The following KCNIP4 variants were observed in gnomAD, a reference collection of about 807,000 sequenced individuals.
KCNIP4 encodes the protein potassium voltage-gated channel interacting protein 4.
KCNIP4 carries 12 observed loss-of-function variants against 34.0 expected under a neutral mutation model. The ratio of observed to expected loss-of-function variants is 0.35; its 90% CI spans 0.23 to 0.57. The LOEUF (loss-of-function observed/expected upper bound fraction) is 0.57. KCNIP4 is among the 20% of genes least tolerant of loss of function. KCNIP4 has a pLI of 0.83. For synonymous variants in KCNIP4, 124 were observed against 102.2 expected (o/e 1.21, Z -1.29); for missense variants, 238 against 311.7 (o/e 0.76, Z 1.78).
At chr4:21,820,491 G>C (rs1468973917) in intron 1 of KCNIP4, among the ~76,000 whole-genome samples, 4 of 151,728 alleles carry the variant, frequency 2.6e-5, no homozygotes, top group African/African-American at 9.7e-5. Context: ...CTTAAGCTAT[G>C]CAAAACCACA....
intron 1 of KCNIP4, among the ~76,000 whole-genome samples, chr4:21,669,495 G>A (rs1030944177): frequency 2.6e-5 from 4 of 152,118 alleles, no homozygotes; most frequent in Non-Finnish European, 4.4e-5. Flanking sequence ...TTAATCAACT[G>A]AATATATTAT....
Position 21,742,309 on chromosome 4 carries a change from T to C in KCNIP4, c.61+206262A>G, listed in dbSNP as rs191405693. On this transcript the variant is annotated intron_variant, in intron 1 of 8. Coordinates refer to ENST00000382152, the MANE Select transcript of KCNIP4 (RefSeq NM_025221.6). ...CTCCTTTGCAGATGGATGTGTTAAATAGTCTGGGCTTATTGTCCCTAAGTA... is the reference window on the plus strand; with the variant it reads ...CTCCTTTGCAGATGGATGTGTTAAACAGTCTGGGCTTATTGTCCCTAAGTA... 8.7e-3 allele frequency among the ~76,000 whole-genome samples: 1,329 copies of C among 152,304 alleles called. 19 individuals carry two copies. The highest frequency in any genetic ancestry group is 0.039 in the South Asian group (188 of 4,830).
At chr4:21,017,266 G>T (rs2149741804) in intron 1 of KCNIP4, among the ~76,000 whole-genome samples, 1 of 152,292 alleles carries the variant, frequency 6.6e-6, no homozygotes, top group Non-Finnish European at 1.5e-5. Flanking sequence ...TGCCTTAGTG[G>T]CTTGCTGCAC....
At chr4:21,311,836 A>G (rs1713220958) in intron 1 of KCNIP4, among the ~76,000 whole-genome samples, 1 of 152,146 alleles carries the variant, frequency 6.6e-6, no homozygotes, top group Admixed American at 6.5e-5. Flanking sequence ...TACAGATTCT[A>G]CTCAAATTCA....
chr4:21,772,716 TTTACA>T (rs1718883881), intron 1 of KCNIP4, among the ~76,000 whole-genome samples: 2 of 152,166 alleles, frequency 1.3e-5, no homozygotes, highest in Non-Finnish European at 2.9e-5. Flanking sequence ...TGTAGAGGTG[TTTACA>T]TTATTCTCTG....
intron 1 of KCNIP4, among the ~76,000 whole-genome samples, chr4:21,128,471 G>C (rs1750796280): frequency 1.3e-5 from 2 of 152,128 alleles, no homozygotes; most frequent in Non-Finnish European, 2.9e-5. Flanking sequence ...GCCAATATAG[G>C]AGACTATAAG....
intron 1 of KCNIP4, among the ~76,000 whole-genome samples, chr4:21,068,096 T>C (rs1305571750): frequency 6.6e-6 from 1 of 152,208 alleles, no homozygotes; most frequent in Non-Finnish European, 1.5e-5. Context: ...ATTCTTCCAG[T>C]GACTCATGCC....
chr4:20,931,295 AAAT>A (rs1330063085), intron 1 of KCNIP4, among the ~76,000 whole-genome samples: 8 of 152,226 alleles, frequency 5.3e-5, no homozygotes, highest in African/African-American at 1.7e-4. Context: ...TATACCTGAA[AAAT>A]ATTATGCTAA....
chr4:21,778,868 A>C (rs1478261206), intron 1 of KCNIP4, among the ~76,000 whole-genome samples: 4 of 152,106 alleles, frequency 2.6e-5, no homozygotes, highest in African/African-American at 9.7e-5. Context: ...TCAGTCACTT[A>C]TTAACTGTGT....
intron 1 of KCNIP4, among the ~76,000 whole-genome samples, chr4:20,969,890 A>T (rs1734752743): frequency 6.6e-6 from 1 of 151,960 alleles, no homozygotes; most frequent in Non-Finnish European, 1.5e-5. Context: ...AGTTTAAGGG[A>T]TCAGATATAC....
intron 1 of KCNIP4, among the ~76,000 whole-genome samples, chr4:21,108,191 A>G (rs28830542): frequency 0.28 from 41,455 of 149,618 alleles, 6,495 homozygotes; most frequent in African/African-American, 0.4. Context: ...TATCCTGCAG[A>G]GTGTTTTCCA....
chr4:21,906,115 G>A (rs1289898972), intron 1 of KCNIP4, among the ~76,000 whole-genome samples: 1 of 152,166 alleles, frequency 6.6e-6, no homozygotes. Flanking sequence ...GCAATGTTAA[G>A]TGGCAGAAAC....
chr4:21,590,392 T>C (rs1186977974), intron 1 of KCNIP4, among the ~76,000 whole-genome samples: 1 of 151,874 alleles, frequency 6.6e-6, no homozygotes, highest in Non-Finnish European at 1.5e-5. Flanking sequence ...GGGCCCCTTG[T>C]TTAAAGAGTA....
intron 1 of KCNIP4, among the ~76,000 whole-genome samples, chr4:21,250,887 A>T (rs1760650424): frequency 6.7e-6 from 1 of 150,344 alleles, no homozygotes. Flanking sequence ...ATATAAATAT[A>T]TATTATACTC....
At chr4:21,056,214 C>T (rs1048667363) in intron 1 of KCNIP4, among the ~76,000 whole-genome samples, 1 of 152,170 alleles carries the variant, frequency 6.6e-6, no homozygotes, top group Admixed American at 6.6e-5. Context: ...AGCTTAATCT[C>T]CCCACCTATT....
At chr4:21,430,758 G>C (rs1276597047) in intron 1 of KCNIP4, among the ~76,000 whole-genome samples, 2 of 139,296 alleles carry the variant, frequency 1.4e-5, no homozygotes, top group Non-Finnish European at 3.0e-5. Flanking sequence ...ACTTACCCAA[G>C]GTCATTGAGG....
chr4:21,115,337 A>G (rs7694857), intron 1 of KCNIP4, among the ~76,000 whole-genome samples: 44,827 of 152,042 alleles, frequency 0.29, 7,360 homozygotes, highest in African/African-American at 0.45. Flanking sequence ...ATTATCTATT[A>G]AGGTCAGGGA....
chr4:20,979,188 C>T (rs894577140), intron 1 of KCNIP4, among the ~76,000 whole-genome samples: 1 of 151,954 alleles, frequency 6.6e-6, no homozygotes, highest in African/African-American at 2.4e-5. Flanking sequence ...TAAAGCCAAA[C>T]AAAGTTGCTC....
intron 1 of KCNIP4, among the ~76,000 whole-genome samples, chr4:21,250,030 T>A (rs954239190): frequency 6.6e-6 from 1 of 152,024 alleles, no homozygotes; most frequent in Non-Finnish European, 1.5e-5. Flanking sequence ...ATTCAGGCTT[T>A]GAAAAGAGAT....
Sources: allele counts gnomAD v4.1 joint callset (sites outside exome capture counted in the v4.1 genomes callset), GRCh38; gene constraint gnomAD v4.1.1; transcripts MANE v1.5; gene names NCBI Gene and HGNC (gene_info 2026-07-23, HGNC 2026-07-21).